The following NTMT1 variants were observed in gnomAD, a reference collection of about 807,000 sequenced individuals.
NTMT1 encodes N-terminal RCC1 methyltransferase.
In NTMT1, 8 loss-of-function variants were observed where a neutral mutation model predicts 17.5. The ratio of observed to expected loss-of-function variants is 0.46; its 90% CI spans 0.27 to 0.82. NTMT1 has a LOEUF of 0.82. Among genes scored for constraint, NTMT1 ranks in the 40% least tolerant of loss-of-function variants. NTMT1 has a pLI of 0.15. For synonymous variants in NTMT1, 128 were observed against 126.8 expected (o/e 1.01, Z -0.06); for missense variants, 221 against 303.5 (o/e 0.73, Z 2.02).
Position 129,614,350 on chromosome 9 carries a change from C to T in NTMT1, c.-55+5172C>T, listed in dbSNP as rs1468680773. On this transcript the variant is annotated intron_variant, in intron 1 of 3. Coordinates refer to the NTMT1 transcript ENST00000372486. The surrounding 1 kb of genome is among the most constrained non-coding windows in gnomAD (Gnocchi z 4.4). ...GCTTCCTGTCACGCTAAGGAGGCTGCGTCAGATCCCTCCCAAATCAGCGAA... is the reference window on the plus strand; with the variant it reads ...GCTTCCTGTCACGCTAAGGAGGCTGTGTCAGATCCCTCCCAAATCAGCGAA... Among the ~76,000 whole-genome samples the T allele has an allele frequency of 6.6e-6, 1 of 152,188 alleles. No homozygotes were observed. Among genetic ancestry groups the T allele is most frequent in the Admixed American group, 6.5e-5 (1 of 15,280 alleles).
Position 129,635,788 on chromosome 9 carries a change from C to G in NTMT1, c.*324C>G, listed in dbSNP as rs935602332. The G allele has an allele frequency of 7.6e-6, 2 of 261,594 alleles. No individual in the cohort carries two copies. Among genetic ancestry groups the G allele is most frequent in the African/African-American group, 2.2e-5 (1 of 44,668 alleles). 16.2% of individuals were successfully genotyped at this position (261,594 alleles called of 1,614,324 possible). On this transcript the variant is annotated 3_prime_UTR_variant, in exon 4 of 4. Transcript: ENST00000372483. ...ATCAGTAACCGATTCCCTGGGCCTC[C>G]AGCCCGGCCTTCCAGCCATGGGCCT...
intron 3 of NTMT1, 52 bp from the exon 4 acceptor site, chr9:129,635,156 G>A: frequency 6.4e-7 from 1 of 1,571,846 alleles, no homozygotes; most frequent in Non-Finnish European, 8.6e-7. Flanking sequence ...CCCATCCAGT[G>A]CCGACATCCG....
chr9:129,632,772 C>T lies in NTMT1; in HGVS notation c.69C>T (p.Ile23=). 6.2e-7 allele frequency: 1 copy of T among 1,614,178 alleles called. No individual in the cohort carries two copies. The highest frequency in any genetic ancestry group is 2.2e-5 in the East Asian group (1 of 44,880). Residue 23 remains isoleucine (I), a synonymous_variant, in exon 2 of 4, where the codon ATC becomes ATT. Coordinates refer to ENST00000372483, the MANE Select transcript of NTMT1 (RefSeq NM_014064.4). ...AGGCCAAGACCTACTGGAAACAAATCCCACCCACGGTGGACGGCATGCTTG... is the reference window on the plus strand; with the variant it reads ...AGGCCAAGACCTACTGGAAACAAATTCCACCCACGGTGGACGGCATGCTTG... The part of the protein sequence containing the change: ...YSKAKTYWKQ[I]PPTVDGMLGG...
At chr9:129,629,972 C>T (rs367957783) in intron 1 of NTMT1, among the ~76,000 whole-genome samples, 14 of 152,284 alleles carry the variant, frequency 9.2e-5, no homozygotes, top group African/African-American at 3.4e-4. Flanking sequence ...AAGCAGGCTT[C>T]TCTCTAGGCA....
upstream of NTMT1, among the ~76,000 whole-genome samples, chr9:129,622,883 G>A (rs909099888): frequency 2.0e-5 from 3 of 152,182 alleles, no homozygotes; most frequent in Middle Eastern, 3.4e-3. Flanking sequence ...AAAAAAATTA[G>A]CCGGGCGTGA....
intron 3 of NTMT1, 61 bp downstream of exon 3, chr9:129,634,367 T>C (rs1264356836): frequency 1.9e-6 from 3 of 1,539,934 alleles, no homozygotes; most frequent in East Asian, 4.5e-5. Context: ...GCGTTCCCCA[T>C]AAGGTGTCAG....
chr9:129,625,967 G>A (rs1427891084), upstream of NTMT1, among the ~76,000 whole-genome samples: 1 of 149,858 alleles, frequency 6.7e-6, no homozygotes, highest in African/African-American at 2.5e-5. Flanking sequence ...AGCCGAGATC[G>A]CGCCACTGCA....
rs1232225711 is a variant in NTMT1, at chr9:129,635,998, T to TA, written c.*537dup. The TA allele has an allele frequency of 1.3e-5, 2 of 153,674 alleles. No homozygotes were observed. Among genetic ancestry groups the TA allele is most frequent in the Admixed American group, 6.5e-5 (1 of 15,390 alleles). The allele number at this position is 153,674 out of a possible 1,614,324, so 9.5% of individuals were successfully genotyped here. Reference sequence around the variant, plus strand: ...CTTGGCAGTGGAGACCTGGGGCCCTTAAAGTGTTACAACAGCCTGCAGCAA... The same window carrying TA: ...CTTGGCAGTGGAGACCTGGGGCCCTTAAAAGTGTTACAACAGCCTGCAGCAA... On this transcript the variant is annotated 3_prime_UTR_variant, in exon 4 of 4. Transcript: ENST00000372483.
rs748265295 is a variant in NTMT1 at position 129,632,868 on chromosome 9, A to C, written c.162+3A>C. ...AGTTTCTGCAGAGGTTTTTGAGGGT[A>C]GGCAGGTCTGGCGTGCTCTCCAGGA... On this transcript the variant is annotated splice_donor_region_variant and intron_variant, in intron 2 of 3. Coordinates refer to ENST00000372483, the MANE Select transcript of NTMT1 (RefSeq NM_014064.4). 2 of 1,613,866 alleles carry C rather than the reference A, an allele frequency of 1.2e-6. No individual in the cohort carries two copies. The highest frequency in any genetic ancestry group is 1.7e-6 in the Non-Finnish European group (2 of 1,179,872).
chr9:129,613,169 C>T lies in NTMT1; in HGVS notation c.-55+3991C>T, dbSNP rs780251437. The T allele has an allele frequency of 3.8e-5, 62 of 1,613,578 alleles. No individual in the cohort carries two copies. Among genetic ancestry groups the T allele is most frequent in the South Asian group, 6.6e-5 (6 of 91,080 alleles). ...AGGCTGCTTCGCGGCCTCTGAGCAG[C>T]GGCCTTCTTCCATGAACAGAAGGGC... On this transcript the variant is annotated intron_variant, in intron 1 of 3. Transcript: ENST00000372486. The surrounding 1 kb of genome is among the most constrained non-coding windows in gnomAD (Gnocchi z 6.2).
chr9:129,612,232 G>A (rs886953969), intron 1 of NTMT1: 1 of 810,560 alleles, frequency 1.2e-6, no homozygotes, highest in South Asian at 1.6e-5. Context: ...GGCTTGTGGT[G>A]TGACACCTAC....
Position 129,635,564 on chromosome 9 carries a change from A to G in NTMT1, c.*100A>G. The G allele has an allele frequency of 7.3e-7, 1 of 1,372,456 alleles. No individual in the cohort carries two copies. The allele number at this position is 1,372,456 out of a possible 1,614,324, so 85.0% of individuals were successfully genotyped here. On this transcript the variant is annotated 3_prime_UTR_variant, in exon 4 of 4. Transcript: ENST00000372483. Reference sequence around the variant, plus strand: ...CCACGCTGGCGGTTCGTGAGTGTCGAGGCACCACTAAATATAGCTGTCTGC... The same window carrying G: ...CCACGCTGGCGGTTCGTGAGTGTCGGGGCACCACTAAATATAGCTGTCTGC...
upstream of NTMT1, among the ~76,000 whole-genome samples, chr9:129,624,942 A>G (rs1408087659): frequency 6.6e-6 from 1 of 152,124 alleles, no homozygotes; most frequent in Non-Finnish European, 1.5e-5. Flanking sequence ...CAAGGATATT[A>G]TTAATAGTAT....
chr9:129,633,679 A>G, intron 2 of NTMT1: 1 of 154,666 alleles, frequency 6.5e-6, no homozygotes, highest in Non-Finnish European at 1.3e-5. Flanking sequence ...AAAAAAAATG[A>G]GTTGGGCATG....
At chr9:129,615,798 G>A (rs1830347331) in intron 1 of NTMT1, 3 of 879,198 alleles carry the variant, frequency 3.4e-6, no homozygotes, top group Non-Finnish European at 3.2e-6. Flanking sequence ...CGGCCTTAAC[G>A]GAGCACTTCC....
At chr9:129,621,392 T>G (rs1830703255), upstream of NTMT1, among the ~76,000 whole-genome samples, 1 of 152,230 alleles carries the variant, frequency 6.6e-6, no homozygotes, top group South Asian at 2.1e-4. Context: ...GGGGTCCTGC[T>G]GTCACCCAGG....
In NTMT1 at chr9:129,635,696, G is replaced by A. The variant is rs1040233761; in HGVS notation, c.*232G>A. The A allele has an allele frequency of 5.3e-5, 28 of 532,786 alleles. No homozygotes were observed. Among genetic ancestry groups the A allele is most frequent in the East Asian group, 3.6e-4 (11 of 30,560 alleles). The allele number at this position is 532,786 out of a possible 1,614,324, so 33.0% of individuals were successfully genotyped here. A position where few individuals can be genotyped will look rare whatever the true frequency, so the allele number is the denominator to read the frequency against. On this transcript the variant is annotated 3_prime_UTR_variant, in exon 4 of 4. Transcript: ENST00000372483. ...AGGAGCCCAGACCCTGCTCTCCTGC[G>A]AGATGGGATTGGGTGGAAGGGGCTC...
chr9:129,609,440 G>A (rs913127677), intron 1 of NTMT1, among the ~76,000 whole-genome samples: 10 of 152,306 alleles, frequency 6.6e-5, no homozygotes, highest in African/African-American at 2.4e-4. Context: ...GTTGGAGGGT[G>A]CGCCTGCCTT....
intron 1 of NTMT1, among the ~76,000 whole-genome samples, chr9:129,621,124 G>C (rs189071933): frequency 4.0e-4 from 61 of 152,356 alleles, no homozygotes; most frequent in African/African-American, 1.2e-3. Context: ...CTGCCTTGCA[G>C]TGTTCAAAGC....
Sources: allele counts gnomAD v4.1 joint callset (sites outside exome capture counted in the v4.1 genomes callset), GRCh38; gene constraint gnomAD v4.1.1; non-coding constraint Gnocchi (gnomAD v3.1); transcripts MANE v1.5; gene names NCBI Gene and HGNC (gene_info 2026-07-23, HGNC 2026-07-21).